PIK3R5: variants seen among roughly 807,000 people sequenced by gnomAD.
The protein encoded by PIK3R5 is phosphoinositide 3-kinase regulatory subunit 5.
In PIK3R5, 32 loss-of-function variants were observed where a neutral mutation model predicts 94.9. The ratio of observed to expected loss-of-function variants is 0.34; its 90% CI spans 0.25 to 0.45. The LOEUF (loss-of-function observed/expected upper bound fraction) is 0.45, where lower values mean the gene tolerates loss of function less well. Among genes scored for constraint, PIK3R5 ranks in the 20% least tolerant of loss-of-function variants. The pLI is 1.00. For synonymous variants in PIK3R5, 443 were observed against 479.4 expected (o/e 0.92, Z 0.99); for missense variants, 853 against 1,144.6 (o/e 0.75, Z 3.68).
chr17:8,921,818 T>C lies in PIK3R5; in HGVS notation c.-13-10311A>G, dbSNP rs185786742. On this transcript the variant is annotated intron_variant, in intron 1 of 18. Coordinates refer to ENST00000447110, the MANE Select transcript of PIK3R5 (RefSeq NM_001142633.3). ...ATCTAAATGTAAAGTGCTAAAACTA[T>C]AAAACTCTTAGAAGAAAAATTGGGG... Among the ~76,000 whole-genome samples, 33 of 152,284 alleles carry C rather than the reference T, an allele frequency of 2.2e-4. No homozygotes were observed. The East Asian group carries it at 6.4e-3, about 29-fold the overall frequency.
At chr17:8,903,646 C>A (rs1422545559) in intron 5 of PIK3R5, among the ~76,000 whole-genome samples, 1 of 151,826 alleles carries the variant, frequency 6.6e-6, no homozygotes, top group Non-Finnish European at 1.5e-5. Flanking sequence ...TTCAATTATT[C>A]ATTCTTCAGC....
intron 1 of PIK3R5, among the ~76,000 whole-genome samples, chr17:8,913,424 T>C (rs1012284117): frequency 1.3e-5 from 2 of 152,146 alleles, no homozygotes; most frequent in East Asian, 1.9e-4. Flanking sequence ...TTTTCACGGG[T>C]GGCTGGGTGC....
At chr17:8,926,691 C>T (rs780035765) in intron 1 of PIK3R5, among the ~76,000 whole-genome samples, 1 of 152,118 alleles carries the variant, frequency 6.6e-6, no homozygotes, top group Non-Finnish European at 1.5e-5. Flanking sequence ...CCCACCAGGT[C>T]CCTCCCACAA....
chr17:8,919,737 C>A (rs1241265682), intron 1 of PIK3R5, among the ~76,000 whole-genome samples: 1 of 152,146 alleles, frequency 6.6e-6, no homozygotes, highest in African/African-American at 2.4e-5. Flanking sequence ...CAAGGTTAAG[C>A]ACAATGAGTT....
intron 1 of PIK3R5, among the ~76,000 whole-genome samples, chr17:8,951,354 C>G (rs1192764023): frequency 2.0e-5 from 3 of 152,188 alleles, no homozygotes; most frequent in African/African-American, 7.2e-5. Context: ...ATTCACAGAA[C>G]TTTTTCGTCT....
At position 8,909,025 on chromosome 17, in the gene PIK3R5, C is replaced by G. The variant is rs1021974731; in HGVS notation, c.204+49G>C. The G allele has an allele frequency of 8.4e-7, 1 of 1,187,138 alleles. No homozygotes were observed. Among genetic ancestry groups the G allele is most frequent in the Non-Finnish European group, 1.2e-6 (1 of 810,388 alleles). The allele number at this position is 1,187,138 out of a possible 1,614,324, so 73.5% of individuals were successfully genotyped here. On this transcript the variant is annotated intron_variant, in intron 3 of 18. Coordinates refer to ENST00000447110, the MANE Select transcript of PIK3R5 (RefSeq NM_001142633.3). The surrounding 1 kb of genome is among the most constrained non-coding windows in gnomAD (Gnocchi z 4.3). ...GTTCTCTGGGACCTATTTCTCCACT[C>G]TACGAGGCCGACCCCAGATCTGCCC...
In PIK3R5 at chr17:8,887,120, G is replaced by C. The variant is rs369570873; in HGVS notation, c.1881C>G (p.His627Gln). 1.3e-5 allele frequency: 21 copies of C among 1,613,950 alleles called. No individual in the cohort carries two copies. Among genetic ancestry groups the C allele is most frequent in the Non-Finnish European group, 1.8e-5 (21 of 1,180,020 alleles). Residue 627 changes from histidine to glutamine, a missense_variant, in exon 12 of 19, where the codon CAC becomes CAG. Physicochemically the swap from His to Gln is conservative, Grantham distance 24. Transcript: ENST00000447110. ...CCTGGCACAGGACTTCAGGGGGCAG[G>C]TGCATGAGGCCCAGTACATTGCGCT... ...WYERNVLGLM[H>Q]LPPEVLCQQS... is the part of the protein sequence containing the mutation.
At position 8,892,641 on chromosome 17, in the gene PIK3R5, A is replaced by C. The variant is rs954038838; in HGVS notation, c.482+945T>G. Among the ~76,000 whole-genome samples the C allele has an allele frequency of 3.3e-5, 5 of 152,198 alleles. No homozygotes were observed. The highest frequency in any genetic ancestry group is 5.9e-5 in the Non-Finnish European group (4 of 68,026). On this transcript the variant is annotated intron_variant, in intron 6 of 18. Transcript: ENST00000447110. The surrounding 1 kb of genome is among the most constrained non-coding windows in gnomAD (Gnocchi z 4.3). ...CAGCTCCCCCAGAGGAATCTTATTTACTTACTAAACTACAACATTTTAGCA... is the reference window on the plus strand; with the variant it reads ...CAGCTCCCCCAGAGGAATCTTATTTCCTTACTAAACTACAACATTTTAGCA...
chr17:8,947,415 T>C (rs2091292354), intron 1 of PIK3R5, among the ~76,000 whole-genome samples: 1 of 152,102 alleles, frequency 6.6e-6, no homozygotes, highest in South Asian at 2.1e-4. Context: ...TTTGTAGTAA[T>C]CACGGAAGAA....
Position 8,890,930 on chromosome 17 carries a change from C to T in PIK3R5, c.483-18G>A, listed in dbSNP as rs372451255. On this transcript the variant is annotated intron_variant, in intron 6 of 18. Coordinates refer to ENST00000447110, the MANE Select transcript of PIK3R5 (RefSeq NM_001142633.3). The surrounding 1 kb of genome is among the most constrained non-coding windows in gnomAD (Gnocchi z 6.1). ...GCACGGTGCTGGGGACACAGGGGAC[C>T]GGCTATGGCACCCAGGGGTGCGCAG... 2.7e-5 allele frequency: 44 copies of T among 1,610,794 alleles called. No individual in the cohort carries two copies. Among genetic ancestry groups the T allele is most frequent in the East Asian group, 1.6e-4 (7 of 44,840 alleles).
chr17:8,890,535 GC>G lies in PIK3R5; in HGVS notation c.657+202del, dbSNP rs1437519976. Among the ~76,000 whole-genome samples, 3 of 152,190 alleles carry G rather than the reference GC, an allele frequency of 2.0e-5. No homozygotes were observed. Among genetic ancestry groups the G allele is most frequent in the African/African-American group, 7.2e-5 (3 of 41,436 alleles). ...CCAGTTATCAGCACCCAGTCCTACT[GC>G]CCAGGCTGCCACCCAGCTGGTTAGG... is the stretch of plus-strand genomic sequence containing the variant. On this transcript the variant is annotated intron_variant, in intron 7 of 18. Transcript: ENST00000447110. This position sits in a 1 kb window ranked among gnomAD's most constrained non-coding sequence, Gnocchi z 6.1.
rs25598 is a variant in PIK3R5 at position 8,882,878 on chromosome 17, ATTTCT to A, written c.2206-1002_2206-998del. On this transcript the variant is annotated intron_variant, in intron 15 of 18. Transcript: ENST00000447110. This position sits in a 1 kb window ranked among gnomAD's most constrained non-coding sequence, Gnocchi z 4.1. ...TACCCTAGTGCAGGCTGCTGCCCTA[ATTTCT>A]CTTCTGGACCATGGCAACAGCCTCC... Among the ~76,000 whole-genome samples, 28,963 of 151,728 alleles carry A rather than the reference ATTTCT, an allele frequency of 0.19. 3,803 individuals carry two copies. The highest frequency in any genetic ancestry group is 0.37 in the African/African-American group (15,414 of 41,276).
rs563274404 is a variant in PIK3R5, at chr17:8,887,213, G to A, written c.1788C>T (p.Gly596=). The change falls in exon 12 of 19, where the codon GGC becomes GGT. Residue 596 remains glycine (G), a synonymous_variant. Coordinates refer to ENST00000447110, the MANE Select transcript of PIK3R5 (RefSeq NM_001142633.3). ...TGGTGCTCTCCTCCCATGGGGTGGT[G>A]CCCAGCTCCTAGGGCAAAGAACAAG... The part of the protein sequence containing the change: ...SPRHASPGEL[G]TTPWEESTND... 2.5e-6 allele frequency: 4 copies of A among 1,613,840 alleles called. No individual in the cohort carries two copies. In the Admixed American group the frequency reaches 6.7e-5, roughly 27 times the overall value.
Position 8,925,429 on chromosome 17 carries a change from T to G in PIK3R5, c.-13-13922A>C. 6.8e-6 allele frequency among the ~76,000 whole-genome samples: 1 copy of G among 146,070 alleles called. No individual in the cohort carries two copies. On this transcript the variant is annotated intron_variant, in intron 1 of 18. Coordinates refer to ENST00000447110, the MANE Select transcript of PIK3R5 (RefSeq NM_001142633.3). This position sits in a 1 kb window ranked among gnomAD's most constrained non-coding sequence, Gnocchi z 5.1. ...AGTAGATGGATAGGTAGATAGTAGA[T>G]GGAGAGATAGATAGTAGATGGATAG...
At chr17:8,924,008 T>G (rs927744325) in intron 1 of PIK3R5, among the ~76,000 whole-genome samples, 5 of 134,184 alleles carry the variant, frequency 3.7e-5, no homozygotes, top group Non-Finnish European at 7.9e-5. Context: ...GGAAAAAGAT[T>G]GCAGTTGTGA....
intron 14 of PIK3R5, among the ~76,000 whole-genome samples, chr17:8,885,905 A>T (rs1195652278): frequency 4.9e-5 from 4 of 82,026 alleles, no homozygotes; most frequent in Non-Finnish European, 9.8e-5. Context: ...TGCCTCCCCA[A>T]GGCCCCACCT....
chr17:8,888,571 G>T lies in PIK3R5; in HGVS notation c.1216C>A (p.Arg406Ser). 6.2e-7 allele frequency: 1 copy of T among 1,611,930 alleles called. No individual in the cohort carries two copies. Among genetic ancestry groups the T allele is most frequent in the Non-Finnish European group, 8.5e-7 (1 of 1,179,604 alleles). The change falls in exon 10 of 19, where the codon CGT becomes AGT. Residue 406 changes from arginine (R) to serine (S), a missense_variant. Transcript: ENST00000447110. This position sits in a 1 kb window ranked among gnomAD's most constrained non-coding sequence, Gnocchi z 7.8. ...EESSSEWPWR[R>S]GSQERRGHRR... ...TGGCCTCGGCGTTCCTGGCTGCCAC[G>T]CCTCCAAGGCCACTCGGAGGAGCTC...
chr17:8,948,247 G>A (rs539574912), intron 1 of PIK3R5, among the ~76,000 whole-genome samples: 2 of 152,086 alleles, frequency 1.3e-5, no homozygotes, highest in Non-Finnish European at 2.9e-5. Context: ...ATAAGTAGGA[G>A]CTAAAGCTTT....
chr17:8,946,708 T>C (rs546417728), intron 1 of PIK3R5, among the ~76,000 whole-genome samples: 1 of 152,276 alleles, frequency 6.6e-6, no homozygotes, highest in Non-Finnish European at 1.5e-5. Flanking sequence ...TTCTGAGGAC[T>C]CGAATGACCA....
Sources: allele counts gnomAD v4.1 joint callset (sites outside exome capture counted in the v4.1 genomes callset), GRCh38; gene constraint gnomAD v4.1.1; non-coding constraint Gnocchi (gnomAD v3.1); transcripts MANE v1.5; gene names NCBI Gene and HGNC (gene_info 2026-07-23, HGNC 2026-07-21).